AMOTL1: variants seen among roughly 807,000 people sequenced by gnomAD.
The protein encoded by AMOTL1 is angiomotin-like protein 1.
Under a neutral mutation model 102.9 loss-of-function variants are expected in AMOTL1, and 45 were observed. The observed-to-expected ratio is 0.44, with a 90% CI of 0.34 to 0.56. The LOEUF is 0.56. Among genes scored for constraint, AMOTL1 ranks in the 20% least tolerant of loss-of-function variants. The pLI is 0.01. For synonymous variants in AMOTL1, 481 were observed against 484.7 expected, an observed-to-expected ratio of 0.99 and a Z score of 0.10; for missense variants, 1,114 against 1,225.6, an observed-to-expected ratio of 0.91 and a Z score of 1.36.
chr11:94,758,652 T>C (rs1460760550), intron 3 of AMOTL1, among the ~76,000 whole-genome samples: 1 of 152,196 alleles, frequency 6.6e-6, no homozygotes, highest in African/African-American at 2.4e-5. Flanking sequence ...AAAAAGAAAT[T>C]ATACCCCACC....
chr11:94,857,710 G>A (rs2135724816), intron 8 of AMOTL1, among the ~76,000 whole-genome samples: 1 of 152,334 alleles, frequency 6.6e-6, no homozygotes, highest in Admixed American at 6.5e-5. Context: ...AATGTTCTTT[G>A]AAAGGAAAAT....
At chr11:94,818,205 G>A (rs1951797454) in intron 3 of AMOTL1, among the ~76,000 whole-genome samples, 1 of 152,190 alleles carries the variant, frequency 6.6e-6, no homozygotes, top group Non-Finnish European at 1.5e-5. Context: ...TTAAGGAATT[G>A]AGGTTGACTT....
chr11:94,839,913 G>C (rs926911429), intron 6 of AMOTL1, among the ~76,000 whole-genome samples: 3 of 152,184 alleles, frequency 2.0e-5, no homozygotes, highest in African/African-American at 7.2e-5. Flanking sequence ...AATGTATTCA[G>C]ATCTTCTCAA....
At chr11:94,789,120 A>G (rs772633197) in intron 1 of AMOTL1, among the ~76,000 whole-genome samples, 1 of 152,054 alleles carries the variant, frequency 6.6e-6, no homozygotes, top group East Asian at 1.9e-4. Context: ...GAGTGCTTTT[A>G]GTTTAGTGGT....
At chr11:94,850,382 G>C (rs1410189023) in intron 7 of AMOTL1, 123 bp downstream of exon 7, 1 of 1,275,166 alleles carries the variant, frequency 7.8e-7, no homozygotes, top group Non-Finnish European at 1.0e-6. Flanking sequence ...AGACAGGGGA[G>C]GGATATGGGA....
chr11:94,791,491 A>G (rs1175525021), intron 1 of AMOTL1, among the ~76,000 whole-genome samples: 1 of 152,176 alleles, frequency 6.6e-6, no homozygotes, highest in Non-Finnish European at 1.5e-5. Context: ...TTTGAAAGAG[A>G]TATCTAAAAG....
intron 4 of AMOTL1, among the ~76,000 whole-genome samples, chr11:94,822,221 G>A (rs1020021347): frequency 3.3e-5 from 5 of 152,204 alleles, no homozygotes; most frequent in African/African-American, 9.6e-5. Context: ...GCTGAGGCAG[G>A]TGGATCGCTT....
intron 1 of AMOTL1, among the ~76,000 whole-genome samples, chr11:94,785,950 T>C (rs1460475215): frequency 6.6e-6 from 1 of 152,212 alleles, no homozygotes; most frequent in Non-Finnish European, 1.5e-5. Flanking sequence ...TCACTCTCAG[T>C]GGGACCACAG....
At position 94,800,011 on chromosome 11, in the gene AMOTL1, G is replaced by A; in HGVS notation, c.821G>A (p.Gly274Glu). 2 of 1,614,060 alleles carry A rather than the reference G, an allele frequency of 1.2e-6. No homozygotes were observed. The highest frequency in any genetic ancestry group is 1.7e-6 in the Non-Finnish European group (2 of 1,179,898). ...ATGCAGCTGTCCCTGGAGAGGAATG[G>A]GGCCAAGCAACACCTTCCCGGCTCG... is the stretch of plus-strand genomic sequence containing the variant. ...RIMQLSLERNGAKQHLPGSGN... is the reference protein window; with the variant it reads ...RIMQLSLERNEAKQHLPGSGN... The change falls in exon 3 of 13, where the codon GGG becomes GAG. Residue 274 changes from glycine (G) to glutamate (E), a missense_variant. Physicochemically the swap from Gly to Glu is moderately conservative, Grantham distance 98. Transcript: ENST00000433060.
chr11:94,780,805 T>A (rs1358435237), intron 1 of AMOTL1, among the ~76,000 whole-genome samples: 2 of 152,352 alleles, frequency 1.3e-5, no homozygotes, highest in African/African-American at 4.8e-5. Flanking sequence ...AATTAAACCA[T>A]TTGTTTATGT....
At chr11:94,778,117 T>C (rs1311123254) in intron 1 of AMOTL1, among the ~76,000 whole-genome samples, 2 of 152,256 alleles carry the variant, frequency 1.3e-5, no homozygotes, top group African/African-American at 2.4e-5. Flanking sequence ...GTATTTATTT[T>C]ATTTTCACTT....
chr11:94,746,684 G>T (rs1374162416), intron 3 of AMOTL1, among the ~76,000 whole-genome samples: 2 of 152,074 alleles, frequency 1.3e-5, no homozygotes, highest in African/African-American at 2.4e-5. Flanking sequence ...GCTTTTATAA[G>T]TCCTGAGACC....
intron 2 of AMOTL1, 84 bp downstream of exon 2, chr11:94,795,244 G>T: frequency 6.7e-7 from 1 of 1,485,142 alleles, no homozygotes; most frequent in African/African-American, 1.4e-5. Flanking sequence ...TAATTCAGAT[G>T]TTTATTCTCT....
At chr11:94,794,317 A>G (rs1207484479) in intron 1 of AMOTL1, among the ~76,000 whole-genome samples, 1 of 152,238 alleles carries the variant, frequency 6.6e-6, no homozygotes, top group Non-Finnish European at 1.5e-5. Context: ...TGTGTGCGGT[A>G]TCAGTGTTAC....
At chr11:94,815,116 A>G (rs1380572559) in intron 3 of AMOTL1, among the ~76,000 whole-genome samples, 1 of 152,216 alleles carries the variant, frequency 6.6e-6, no homozygotes, top group African/African-American at 2.4e-5. Context: ...AGTATTCATG[A>G]AATGTAATTA....
At position 94,872,031 on chromosome 11, in the gene AMOTL1, G is replaced by T. The variant is rs890164489; in HGVS notation, c.*1236G>T. 1.1e-4 allele frequency: 16 copies of T among 152,080 alleles called. No individual in the cohort carries two copies. The highest frequency in any genetic ancestry group is 3.6e-4 in the African/African-American group (15 of 41,378). 9.4% of individuals were successfully genotyped at this position (152,080 alleles called of 1,614,324 possible). On this transcript the variant is annotated 3_prime_UTR_variant, in exon 13 of 13. Coordinates refer to ENST00000433060, the MANE Select transcript of AMOTL1 (RefSeq NM_130847.3). ...AGCATCCAGACCTCCGTGGCACCAG[G>T]TTGCCTCTGTTGTGAACTTCTTTTG...
chr11:94,784,265 C>T (rs1471546213), intron 1 of AMOTL1, among the ~76,000 whole-genome samples: 3 of 152,102 alleles, frequency 2.0e-5, no homozygotes, highest in Non-Finnish European at 4.4e-5. Context: ...TGAGGATTAT[C>T]CCCCCATTCT....
At chr11:94,745,364 A>G (rs753091313) in intron 3 of AMOTL1, among the ~76,000 whole-genome samples, 2 of 149,560 alleles carry the variant, frequency 1.3e-5, no homozygotes, top group Non-Finnish European at 3.0e-5. Flanking sequence ...ACCAGCCCCC[A>G]ACCTGAAGCT....
chr11:94,753,413 T>C (rs2135492305), intron 3 of AMOTL1, among the ~76,000 whole-genome samples: 1 of 151,996 alleles, frequency 6.6e-6, no homozygotes, highest in East Asian at 1.9e-4. Context: ...ATTCATTTGC[T>C]GACATTGAAA....
Sources: gnomAD v4.1 joint callset for allele counts (sites outside exome capture counted in the v4.1 genomes callset) on GRCh38, gnomAD v4.1.1 for gene constraint, MANE v1.5 for transcripts, NCBI Gene and HGNC (gene_info 2026-07-23, HGNC 2026-07-21) for gene names.